H6PD: variants seen among roughly 807,000 people sequenced by gnomAD.
The protein encoded by H6PD is GDH/6PGL endoplasmic bifunctional protein.
In H6PD, 48 loss-of-function variants were observed where a neutral mutation model predicts 61.2. The observed-to-expected ratio is 0.78, with a 90% CI of 0.62 to 1.00. H6PD has a LOEUF of 1.00. Ranked by LOEUF, H6PD falls within the 50% of genes least tolerant of loss-of-function variation. The pLI is 0.00. For synonymous variants in H6PD, 480 were observed against 457.9 expected, an observed-to-expected ratio of 1.05 and a Z score of -0.62; for missense variants, 1,093 against 1,065.0, an observed-to-expected ratio of 1.03 and a Z score of -0.37.
At chr1:9,235,870 A>G (rs1018623349) in intron 1 of H6PD, among the ~76,000 whole-genome samples, 1 of 152,204 alleles carries the variant, frequency 6.6e-6, no homozygotes, top group Non-Finnish European at 1.5e-5. Flanking sequence ...CTTAAGCCTT[A>G]CGAAGTGTTG....
At chr1:9,260,800 C>G (rs991844177) in intron 3 of H6PD, among the ~76,000 whole-genome samples, 1 of 152,054 alleles carries the variant, frequency 6.6e-6, no homozygotes, top group Non-Finnish European at 1.5e-5. Context: ...TTTATCGTCA[C>G]AGTTACCCCG....
chr1:9,260,003 C>T (rs1641669167), intron 3 of H6PD, among the ~76,000 whole-genome samples: 1 of 148,838 alleles, frequency 6.7e-6, no homozygotes, highest in South Asian at 2.1e-4. Flanking sequence ...TATTATGTTA[C>T]TGTTGTTATG....
intron 3 of H6PD, among the ~76,000 whole-genome samples, chr1:9,260,702 T>C (rs746583087): frequency 1.8e-4 from 27 of 152,134 alleles, no homozygotes; most frequent in Non-Finnish European, 4.4e-5. Flanking sequence ...ACTGCTGTTA[T>C]GCTGGTGTTG....
At chr1:9,239,689 A>C (rs1312071626) in intron 1 of H6PD, among the ~76,000 whole-genome samples, 1 of 152,204 alleles carries the variant, frequency 6.6e-6, no homozygotes, top group African/African-American at 2.4e-5. Context: ...ATTTGAAGAA[A>C]ATTTCCCTTC....
In H6PD at chr1:9,264,968, C is replaced by G. The variant is rs566023113; in HGVS notation, c.*99C>G. On this transcript the variant is annotated 3_prime_UTR_variant, in exon 5 of 5. Transcript: ENST00000377403. ...GCCACCTGCCCAGCGTGCCCTGGCT[C>G]TCCAGAACCTTCTATCCCACAGTCA... 1.5e-6 allele frequency: 2 copies of G among 1,300,220 alleles called. No homozygotes were observed. The highest frequency in any genetic ancestry group is 2.2e-6 in the Non-Finnish European group (2 of 921,264). 80.5% of individuals were successfully genotyped at this position (1,300,220 alleles called of 1,614,324 possible).
intron 1 of H6PD, chr1:9,240,087 A>G (rs759226521): frequency 2.9e-6 from 3 of 1,033,190 alleles, no homozygotes; most frequent in Non-Finnish European, 3.7e-6. Flanking sequence ...AAGGGTGCCC[A>G]GGACTGGGTT....
rs1041255281 is a variant in H6PD at position 9,245,043 on chromosome 1, C to T, written c.109C>T (p.Leu37=). ...SIILLGATGD[L]AKKYLWQGLF... ...AATCCTGCTGGGAGCAACTGGGGAC[C>T]TGGCTAAGAAGTACTTATGGCAGGG... The change falls in exon 2 of 5, where the codon CTG becomes TTG. Residue 37 remains leucine (L), a synonymous_variant. Transcript: ENST00000377403. The surrounding 1 kb of genome is among the most constrained non-coding windows in gnomAD (Gnocchi z 4.8). 6.2e-7 allele frequency: 1 copy of T among 1,614,234 alleles called. No homozygotes were observed. Among genetic ancestry groups the T allele is most frequent in the Admixed American group, 1.7e-5 (1 of 60,032 alleles).
chr1:9,241,362 A>G (rs1272444057), intron 1 of H6PD, among the ~76,000 whole-genome samples: 2 of 148,098 alleles, frequency 1.4e-5, no homozygotes, highest in Non-Finnish European at 3.0e-5. Context: ...GGAAAGGTGG[A>G]GGGCATCTCC....
At chr1:9,258,165 G>C (rs1641580465) in intron 3 of H6PD, among the ~76,000 whole-genome samples, 1 of 152,254 alleles carries the variant, frequency 6.6e-6, no homozygotes, top group Admixed American at 6.5e-5. Flanking sequence ...TGTTATGCTG[G>C]TGTTGTTACG....
At chr1:9,237,456 C>T (rs146921782) in intron 1 of H6PD, among the ~76,000 whole-genome samples, 2 of 152,024 alleles carry the variant, frequency 1.3e-5, no homozygotes, top group Non-Finnish European at 2.9e-5. Flanking sequence ...TGGTTTTAAA[C>T]TCCCGACCTC....
rs770186803 is a variant in H6PD at position 9,263,825 on chromosome 1, C to T, written c.1332C>T (p.Ser444=). ...TCCGCCTTTTCGGCAGCCCTCTGTC[C>T]GATTACTACGCCTACAGCCCTGTGC... The part of the protein sequence containing the change: ...PGLRLFGSPL[S]DYYAYSPVRE... The change falls in exon 5 of 5, where the codon TCC becomes TCT. Residue 444 remains serine, a synonymous_variant. Transcript: ENST00000377403. 1.9e-5 allele frequency: 30 copies of T among 1,613,836 alleles called. No individual in the cohort carries two copies. The South Asian group carries it at 2.6e-4, about 14-fold the overall frequency.
At position 9,263,909 on chromosome 1, in the gene H6PD, C is replaced by T. The variant is rs751772336; in HGVS notation, c.1416C>T (p.Phe472=). Residue 472 remains phenylalanine (F), a synonymous_variant, in exon 5 of 5, where the codon TTC becomes TTT. Coordinates refer to ENST00000377403, the MANE Select transcript of H6PD (RefSeq NM_004285.4). The part of the protein sequence containing the change: ...LSHIFHGRKN[F]FITTENLLAS... ...ATATCTTCCATGGCCGGAAGAATTTCTTCATCACCACAGAGAACTTGCTGG... is the reference window on the plus strand; with the variant it reads ...ATATCTTCCATGGCCGGAAGAATTTTTTCATCACCACAGAGAACTTGCTGG... 3.1e-6 allele frequency: 5 copies of T among 1,614,194 alleles called. No individual in the cohort carries two copies. In the East Asian group the frequency reaches 1.1e-4, roughly 36 times the overall value.
chr1:9,250,893 G>GC (rs1553184528), intron 3 of H6PD, among the ~76,000 whole-genome samples: 1 of 149,414 alleles, frequency 6.7e-6, no homozygotes, highest in Non-Finnish European at 1.5e-5. Flanking sequence ...GGTGAGTGTT[G>GC]TTTTTTTTTC....
At chr1:9,259,305 TTGC>T (rs1192142565) in intron 3 of H6PD, among the ~76,000 whole-genome samples, 1 of 152,230 alleles carries the variant, frequency 6.6e-6, no homozygotes, top group Non-Finnish European at 1.5e-5. Context: ...TGTTGTTATG[TTGC>T]TGTTGTTACA....
At chr1:9,255,388 C>T (rs1357101445) in intron 3 of H6PD, among the ~76,000 whole-genome samples, 1 of 151,962 alleles carries the variant, frequency 6.6e-6, no homozygotes, top group Non-Finnish European at 1.5e-5. Flanking sequence ...CTTAAGTGAT[C>T]CTCCCACCTC....
chr1:9,264,382 A>T lies in H6PD; in HGVS notation c.1889A>T (p.Glu630Val), dbSNP rs774428402. Reference sequence around the variant, plus strand: ...CGCTGCGTCCCACTCTCAGACCCGGAGTCCAACTTCCAGGGCCTGCAGGCC... The same window carrying T: ...CGCTGCGTCCCACTCTCAGACCCGGTGTCCAACTTCCAGGGCCTGCAGGCC... ...DERCVPLSDP[E>V]SNFQGLQAHL... The change falls in exon 5 of 5, where the codon GAG (glutamate) becomes GTG (valine). Residue 630 changes from glutamate (E) to valine (V), a missense_variant. By Grantham distance (121) the Glu-to-Val change is moderately radical. Coordinates refer to ENST00000377403, the MANE Select transcript of H6PD (RefSeq NM_004285.4). 6.8e-6 allele frequency: 11 copies of T among 1,612,830 alleles called. No individual in the cohort carries two copies. The highest frequency in any genetic ancestry group is 1.7e-6 in the Non-Finnish European group (2 of 1,179,958).
chr1:9,246,089 C>T (rs901799638), intron 2 of H6PD, among the ~76,000 whole-genome samples: 5 of 151,954 alleles, frequency 3.3e-5, no homozygotes, highest in South Asian at 2.1e-4. Context: ...AGTACAGGCG[C>T]GCATCACCAT....
intron 3 of H6PD, among the ~76,000 whole-genome samples, chr1:9,260,304 G>A (rs899469433): frequency 6.6e-6 from 1 of 151,576 alleles, no homozygotes; most frequent in African/African-American, 2.4e-5. Flanking sequence ...CTGTTGTTAC[G>A]CCAGTGTTGT....
intron 3 of H6PD, among the ~76,000 whole-genome samples, chr1:9,260,835 GC>G (rs1570118340): frequency 6.6e-6 from 1 of 150,942 alleles, no homozygotes; most frequent in African/African-American, 2.5e-5. Flanking sequence ...GGACATCTGC[GC>G]CTGGGGGTCT....
Sources: allele counts gnomAD v4.1 joint callset (sites outside exome capture counted in the v4.1 genomes callset), GRCh38; gene constraint gnomAD v4.1.1; non-coding constraint Gnocchi (gnomAD v3.1); transcripts MANE v1.5; gene names NCBI Gene and HGNC (gene_info 2026-07-23, HGNC 2026-07-21).